SYT16: variants seen among roughly 807,000 people sequenced by gnomAD.
The protein encoded by SYT16 is synaptotagmin-16.
In SYT16, 42 loss-of-function variants were observed where a neutral mutation model predicts 61.4. That is an observed-to-expected ratio of 0.68 (90% CI 0.53 to 0.89). SYT16 has a LOEUF of 0.89. SYT16 is among the 40% of genes least tolerant of loss of function. SYT16 has a pLI of 0.00. For synonymous variants in SYT16, 314 were observed against 302.3 expected, an observed-to-expected ratio of 1.04 and a Z score of -0.40; for missense variants, 804 against 807.3, an observed-to-expected ratio of 1.00 and a Z score of 0.05.
intron 5 of SYT16, 62 bp downstream of exon 5, chr14:62,075,453 C>G: frequency 6.9e-7 from 1 of 1,441,620 alleles, no homozygotes; most frequent in Non-Finnish European, 9.2e-7. Flanking sequence ...TTTCCACTCT[C>G]CTTTCTCATC....
At chr14:62,045,970 T>C in intron 3 of SYT16, among the ~76,000 whole-genome samples, 1 of 152,208 alleles carries the variant, frequency 6.6e-6, no homozygotes, top group Non-Finnish European at 1.5e-5. Flanking sequence ...ATATACCCAG[T>C]AATGGGATGG....
chr14:61,836,446 G>A (rs539590565), intron 1 of SYT16, among the ~76,000 whole-genome samples: 27 of 152,294 alleles, frequency 1.8e-4, no homozygotes, highest in African/African-American at 6.5e-4. Flanking sequence ...GGAGGGATAG[G>A]AGAAGTTTAT....
chr14:61,936,795 C>T (rs2050000882), intron 1 of SYT16, among the ~76,000 whole-genome samples: 1 of 152,162 alleles, frequency 6.6e-6, no homozygotes, highest in East Asian at 1.9e-4. Flanking sequence ...AGGTACCATC[C>T]TCGGCAACTT....
chr14:61,883,161 C>T (rs150245721), intron 1 of SYT16, among the ~76,000 whole-genome samples: 479 of 152,346 alleles, frequency 3.1e-3, no homozygotes, highest in Admixed American at 5.8e-3. Context: ...AGGTCTCTGA[C>T]ATGCCCTGGA....
intron 1 of SYT16, among the ~76,000 whole-genome samples, chr14:61,950,864 C>G (rs1412699779): frequency 6.6e-6 from 1 of 152,016 alleles, no homozygotes; most frequent in Admixed American, 6.6e-5. Context: ...GATTAGAATC[C>G]CATCTGTTTT....
chr14:61,839,825 CTG>C (rs1209349004), intron 1 of SYT16, among the ~76,000 whole-genome samples: 1 of 147,592 alleles, frequency 6.8e-6, no homozygotes, highest in East Asian at 2.0e-4. Flanking sequence ...TCAGGGCTAA[CTG>C]TATTTCTATG....
Position 62,069,816 on chromosome 14 carries a change from G to C in SYT16, c.736+1G>C. ...GGCACAGAAGTATCTGCCTGCGAAGGTATCCTTTGCCTCACATCCTTTCTT... is the reference window on the plus strand; with the variant it reads ...GGCACAGAAGTATCTGCCTGCGAAGCTATCCTTTGCCTCACATCCTTTCTT... On this transcript the variant is annotated splice_donor_variant, in intron 4 of 7. Coordinates refer to ENST00000683842, the MANE Select transcript of SYT16 (RefSeq NM_001367656.1). LOFTEE classifies it high-confidence loss of function. 1.2e-6 allele frequency: 2 copies of C among 1,613,476 alleles called. 1 individual carries two copies. The highest frequency in any genetic ancestry group is 4.5e-5 in the East Asian group (2 of 44,888).
At chr14:62,086,591 A>T (rs1226738766) in intron 7 of SYT16, among the ~76,000 whole-genome samples, 1 of 152,248 alleles carries the variant, frequency 6.6e-6, no homozygotes, top group Non-Finnish European at 1.5e-5. Context: ...TGTATACTTT[A>T]TAAGTTTGCA....
chr14:62,007,952 AAAGT>A (rs1297052797), intron 3 of SYT16, among the ~76,000 whole-genome samples: 2 of 152,180 alleles, frequency 1.3e-5, no homozygotes, highest in East Asian at 1.9e-4. Flanking sequence ...TGCCCTATAA[AAAGT>A]AAGAGGAGGG....
intron 1 of SYT16, among the ~76,000 whole-genome samples, chr14:61,945,332 C>G (rs1290729743): frequency 6.6e-6 from 1 of 152,190 alleles, no homozygotes; most frequent in East Asian, 1.9e-4. Context: ...TGTGGTGATT[C>G]CTCAAGGATC....
intron 2 of SYT16, among the ~76,000 whole-genome samples, chr14:61,975,043 A>G (rs1425263084): frequency 6.6e-6 from 1 of 152,142 alleles, no homozygotes; most frequent in African/African-American, 2.4e-5. Context: ...GTTATAAAAT[A>G]TTTTTCATTT....
At chr14:61,826,810 T>C (rs909707289) in intron 1 of SYT16, among the ~76,000 whole-genome samples, 6 of 151,978 alleles carry the variant, frequency 3.9e-5, no homozygotes, top group African/African-American at 1.5e-4. Flanking sequence ...AGGTTGTAAG[T>C]CCAAGACTGA....
intron 1 of SYT16, among the ~76,000 whole-genome samples, chr14:61,926,201 G>A (rs1017423673): frequency 3.5e-5 from 5 of 141,770 alleles, no homozygotes; most frequent in Non-Finnish European, 8.3e-5. Flanking sequence ...GAAGGAATTT[G>A]CTTTCTTAGG....
At chr14:61,944,110 T>C (rs112939628) in intron 1 of SYT16, among the ~76,000 whole-genome samples, 3,045 of 152,248 alleles carry the variant, frequency 0.02, 56 homozygotes, top group South Asian at 0.031. Context: ...GAGAGCCAAA[T>C]CATGAGTGAA....
intron 3 of SYT16, among the ~76,000 whole-genome samples, chr14:62,004,736 C>T (rs2053155031): frequency 6.6e-6 from 1 of 152,184 alleles, no homozygotes; most frequent in Admixed American, 6.5e-5. Flanking sequence ...CACCTCATTA[C>T]TGTGGAGGCA....
At chr14:61,848,053 CT>C (rs757676897) in intron 1 of SYT16, among the ~76,000 whole-genome samples, 2 of 152,186 alleles carry the variant, frequency 1.3e-5, no homozygotes, top group Non-Finnish European at 2.9e-5. Context: ...AGATTGACCC[CT>C]GAGGGCTTAT....
At chr14:62,000,301 C>G (rs1309100321) in intron 3 of SYT16, among the ~76,000 whole-genome samples, 1 of 151,092 alleles carries the variant, frequency 6.6e-6, no homozygotes, top group Non-Finnish European at 1.5e-5. Flanking sequence ...GAATTGACCT[C>G]TTTGTCATTA....
At chr14:61,956,879 A>G (rs972118617) in intron 1 of SYT16, among the ~76,000 whole-genome samples, 10 of 151,816 alleles carry the variant, frequency 6.6e-5, no homozygotes, top group East Asian at 1.9e-4. Context: ...CATTAAATCT[A>G]TAGATTTTTT....
intron 3 of SYT16, among the ~76,000 whole-genome samples, chr14:62,035,116 T>A (rs1414246653): frequency 6.6e-6 from 1 of 152,144 alleles, no homozygotes; most frequent in Non-Finnish European, 1.5e-5. Flanking sequence ...GTATGAAGGG[T>A]CAAATCTTCT....
Sources: allele counts gnomAD v4.1 joint callset (sites outside exome capture counted in the v4.1 genomes callset), GRCh38; gene constraint gnomAD v4.1.1; transcripts MANE v1.5; gene names NCBI Gene and HGNC (gene_info 2026-07-23, HGNC 2026-07-21).